Variants in OTOA observed in about 807,000 individuals in gnomAD.
OTOA encodes the protein otoancorin.
A neutral mutation model predicts 110.8 loss-of-function variants in OTOA; 70 were observed. The observed-to-expected ratio is 0.63, with a 90% CI of 0.52 to 0.77. OTOA has a LOEUF of 0.77. Ranked by LOEUF, OTOA falls within the 30% of genes least tolerant of loss-of-function variation. The pLI is 0.00. For synonymous variants in OTOA, 373 were observed against 431.5 expected (o/e 0.86, Z 1.68); for missense variants, 917 against 1,075.8 (o/e 0.85, Z 2.06).
chr16:21,711,811 G>T (rs867842081), intron 13 of OTOA, among the ~76,000 whole-genome samples: 1 of 152,036 alleles, frequency 6.6e-6, no homozygotes, highest in African/African-American at 2.4e-5. Context: ...CCACTTCCCA[G>T]GATGCAAACT....
At chr16:21,711,427 G>A (rs1427989740) in intron 13 of OTOA, among the ~76,000 whole-genome samples, 1 of 152,078 alleles carries the variant, frequency 6.6e-6, no homozygotes, top group African/African-American at 2.4e-5. Flanking sequence ...CCAGTCCAGA[G>A]GGCTCCAAAT....
chr16:21,714,306 TTC>T lies in OTOA; in HGVS notation c.1321-678_1321-677del, dbSNP rs1269220506. 2.5e-3 allele frequency among the ~76,000 whole-genome samples: 321 copies of T among 127,838 alleles called. 3 individuals carry two copies. The East Asian group carries it at 0.038, about 15-fold the overall frequency. 83.9% of individuals were successfully genotyped at this position (127,838 alleles called of 152,430 possible). A position where few individuals can be genotyped will look rare whatever the true frequency, so the allele number is the denominator to read the frequency against. The stretch of plus-strand genomic sequence containing the variant: ...TCCTTTCTTTCTTTTCCTTTCTTCC[TTC>T]CTTCCTTCCTTCCTTCCTTCCTTCC... On this transcript the variant is annotated intron_variant, in intron 13 of 28. Coordinates refer to ENST00000646100, the MANE Select transcript of OTOA (RefSeq NM_144672.4).
At position 21,681,755 on chromosome 16, in the gene OTOA, A is replaced by G; in HGVS notation, c.197A>G (p.Asp66Gly). Residue 66 changes from aspartate to glycine, a missense_variant, in exon 6 of 29, where the codon GAT becomes GGT. Transcript: ENST00000646100. ...IQFQSSHVWT[D>G]DLSHRVLAYL... is the part of the protein sequence containing the mutation. ...AACTGAAGCTCCCACGTGTGGACGG[A>G]TGACCTGTCCCACAGAGTCCTGGCC... The G allele has an allele frequency of 1.2e-6, 2 of 1,613,948 alleles. No individual in the cohort carries two copies. Among genetic ancestry groups the G allele is most frequent in the South Asian group, 1.1e-5 (1 of 91,076 alleles).
chr16:21,729,342 G>A (rs529622912), intron 20 of OTOA, among the ~76,000 whole-genome samples: 9 of 152,240 alleles, frequency 5.9e-5, no homozygotes, highest in Admixed American at 5.9e-4. Context: ...TGACCCTAGA[G>A]ACTATTTTTA....
intron 1 of OTOA, among the ~76,000 whole-genome samples, chr16:21,667,667 G>A (rs2067408438): frequency 6.6e-6 from 1 of 151,854 alleles, no homozygotes; most frequent in South Asian, 2.1e-4. Flanking sequence ...TTTCAGTAAG[G>A]GAACATGGAA....
In OTOA at chr16:21,691,625, A is replaced by C; in HGVS notation, c.677A>C (p.His226Pro). ...FKDLYDKTSAHSQRALYSWMT... is the reference protein window; with the variant it reads ...FKDLYDKTSAPSQRALYSWMT... ...GATCTCTACGACAAAACCTCGGCTCATTCCCAGAGAGCTCTCTATTCCTGG... is the reference window on the plus strand; with the variant it reads ...GATCTCTACGACAAAACCTCGGCTCCTTCCCAGAGAGCTCTCTATTCCTGG... The change falls in exon 9 of 29, where the codon CAT becomes CCT. Residue 226 changes from histidine to proline, a missense_variant. Physicochemically the swap from His to Pro is moderately conservative, Grantham distance 77. Around this residue, in one of 6 missense-constraint regions of OTOA, gnomAD observed 840 missense variants for 910.2 expected, o/e 0.92. Coordinates refer to ENST00000646100, the MANE Select transcript of OTOA (RefSeq NM_144672.4). 1 of 1,614,026 alleles carries C rather than the reference A, an allele frequency of 6.2e-7. No individual in the cohort carries two copies. Among genetic ancestry groups the C allele is most frequent in the Non-Finnish European group, 8.5e-7 (1 of 1,179,944 alleles).
intron 1 of OTOA, among the ~76,000 whole-genome samples, chr16:21,667,812 CACTT>C (rs1302127626): frequency 1.3e-5 from 2 of 152,002 alleles, no homozygotes; most frequent in Non-Finnish European, 2.9e-5. Context: ...TATTTATAGA[CACTT>C]AAATTTAAAT....
At chr16:21,755,843 CAG>C (rs1177525217) in intron 27 of OTOA, among the ~76,000 whole-genome samples, 1 of 152,294 alleles carries the variant, frequency 6.6e-6, no homozygotes, top group African/African-American at 2.4e-5. Context: ...GAAGAAGAAA[CAG>C]TGTTCCAGGC....
At chr16:21,684,654 G>A (rs906105755) in intron 6 of OTOA, 8 of 830,000 alleles carry the variant, frequency 9.6e-6, no homozygotes, top group African/African-American at 6.8e-5. Context: ...GGGGATGTGC[G>A]CCCGGTGTTG....
chr16:21,677,977 C>T (rs1330675579), intron 1 of OTOA, among the ~76,000 whole-genome samples: 1 of 152,084 alleles, frequency 6.6e-6, no homozygotes. Flanking sequence ...ACCTCTACCT[C>T]ACAGATTCAG....
chr16:21,722,836 C>A, intron 17 of OTOA, 69 bp from the exon 18 acceptor site: 2 of 1,379,632 alleles, frequency 1.4e-6, no homozygotes, highest in Middle Eastern at 3.6e-4. Flanking sequence ...TAGTACCTGG[C>A]ACATGGAAAG....
At chr16:21,726,947 C>T (rs995837492) in intron 19 of OTOA, among the ~76,000 whole-genome samples, 1 of 151,910 alleles carries the variant, frequency 6.6e-6, no homozygotes, top group African/African-American at 2.4e-5. Flanking sequence ...GGGTGAATCA[C>T]CTTTCCTCCC....
chr16:21,736,441 T>A, intron 22 of OTOA, 51 bp downstream of exon 22: 1 of 1,612,136 alleles, frequency 6.2e-7, no homozygotes, highest in South Asian at 1.1e-5. Context: ...AATTAATGTT[T>A]TGGGCAGGGT....
intron 14 of OTOA, among the ~76,000 whole-genome samples, chr16:21,716,493 C>T (rs1057142559): frequency 6.6e-6 from 1 of 152,022 alleles, no homozygotes; most frequent in African/African-American, 2.4e-5. Context: ...ATTGCTTGAA[C>T]CCAGGAGGCG....
chr16:21,670,927 G>A (rs1347440749), intron 1 of OTOA, among the ~76,000 whole-genome samples: 2 of 152,082 alleles, frequency 1.3e-5, no homozygotes, highest in African/African-American at 4.8e-5. Context: ...TCTTAATCTG[G>A]GGAGGATAGC....
chr16:21,694,277 A>G (rs1036238402), intron 9 of OTOA, among the ~76,000 whole-genome samples: 1 of 151,952 alleles, frequency 6.6e-6, no homozygotes, highest in African/African-American at 2.4e-5. Flanking sequence ...CCCATTTCTT[A>G]AAAAATTTTT....
At chr16:21,726,290 T>C (rs530230915) in intron 18 of OTOA, among the ~76,000 whole-genome samples, 1 of 151,586 alleles carries the variant, frequency 6.6e-6, no homozygotes, top group African/African-American at 2.4e-5. Context: ...GATGGGAAGT[T>C]TGTTGCCCAT....
rs182108924 is a variant in OTOA, at chr16:21,712,475, T to C, written c.1320+2372T>C. Reference sequence around the variant, plus strand: ...GCTTGAAGGAGGATATGGGAAGAGGTGAAGATGTTGAAAATGTAAGGGGCC... The same window carrying C: ...GCTTGAAGGAGGATATGGGAAGAGGCGAAGATGTTGAAAATGTAAGGGGCC... On this transcript the variant is annotated intron_variant, in intron 13 of 28. Coordinates refer to ENST00000646100, the MANE Select transcript of OTOA (RefSeq NM_144672.4). 1.9e-3 allele frequency among the ~76,000 whole-genome samples: 294 copies of C among 151,090 alleles called. 2 individuals are homozygous for C. The highest frequency in any genetic ancestry group is 7.7e-3 in the Admixed American group (117 of 15,184).
chr16:21,701,849 G>A (rs571880950), intron 11 of OTOA, among the ~76,000 whole-genome samples: 1 of 151,582 alleles, frequency 6.6e-6, no homozygotes, highest in African/African-American at 2.4e-5. Flanking sequence ...TCAAACTCCT[G>A]ACCTCTTGAA....
Sources: gnomAD v4.1 joint callset for allele counts (sites outside exome capture counted in the v4.1 genomes callset) on GRCh38, gnomAD v4.1.1 for gene constraint, gnomAD v4.1.1 regional missense constraint, MANE v1.5 for transcripts, NCBI Gene and HGNC (gene_info 2026-07-23, HGNC 2026-07-21) for gene names.